Variants in ZNF641 observed in about 807,000 individuals in gnomAD.
The protein encoded by ZNF641 is zinc finger protein 641.
ZNF641 carries 26 observed loss-of-function variants against 46.2 expected under a neutral mutation model. The observed-to-expected ratio is 0.56, with a 90% CI of 0.41 to 0.78. The LOEUF (loss-of-function observed/expected upper bound fraction) is 0.78. Ranked by LOEUF, ZNF641 falls within the 30% of genes least tolerant of loss-of-function variation. ZNF641 has a pLI of 0.00. For missense variants in ZNF641, 469 were observed against 517.8 expected, an observed-to-expected ratio of 0.91 and a Z score of 0.91; for synonymous variants, 163 against 187.9, an observed-to-expected ratio of 0.87 and a Z score of 1.09.
Position 48,340,068 on chromosome 12 carries a change from A to G in ZNF641, c.*2905T>C. The stretch of plus-strand genomic sequence containing the variant: ...TTTTATTTAAAGGGGACGGGGTGAA[A>G]CATGAACATTTGAGGCTGATTCCCT... On this transcript the variant is annotated 3_prime_UTR_variant, in exon 6 of 6. Transcript: ENST00000547026. 1 of 985,430 alleles carries G rather than the reference A, an allele frequency of 1.0e-6. No individual in the cohort carries two copies. Among genetic ancestry groups the G allele is most frequent in the Non-Finnish European group, 1.2e-6 (1 of 829,938 alleles). 61.0% of individuals were successfully genotyped at this position (985,430 alleles called of 1,614,324 possible). A position where few individuals can be genotyped will look rare whatever the true frequency, so the allele number is the denominator to read the frequency against.
rs182037846 is a variant in ZNF641, at chr12:48,345,936, C to T, written c.277-462G>A. ...TTTTTTTTTTTTTGAGACGGAGTCT[C>T]ACTGTCGCCCAGGCTGGAGTGCAGT... On this transcript the variant is annotated intron_variant, in intron 3 of 5. Transcript: ENST00000547026. Among the ~76,000 whole-genome samples the T allele has an allele frequency of 3.4e-5, 5 of 147,996 alleles. No individual in the cohort carries two copies. In the East Asian group the frequency reaches 9.8e-4, roughly 29 times the overall value.
At position 48,339,757 on chromosome 12, in the gene ZNF641, C is replaced by G. The variant is rs1160856426; in HGVS notation, c.*3216G>C. 4.8e-6 allele frequency: 1 copy of G among 209,332 alleles called. No homozygotes were observed. Among genetic ancestry groups the G allele is most frequent in the Non-Finnish European group, 8.3e-6 (1 of 120,348 alleles). 13.0% of individuals were successfully genotyped at this position (209,332 alleles called of 1,614,324 possible). A position where few individuals can be genotyped will look rare whatever the true frequency, so the allele number is the denominator to read the frequency against. ...TGTTGGAAAGGGAGGAATTTTGTCCCAAATTATCACCTCTTTGGTTCTCTG... is the reference window on the plus strand; with the variant it reads ...TGTTGGAAAGGGAGGAATTTTGTCCGAAATTATCACCTCTTTGGTTCTCTG... On this transcript the variant is annotated 3_prime_UTR_variant, in exon 6 of 6. Coordinates refer to ENST00000547026, the MANE Select transcript of ZNF641 (RefSeq NM_001172681.2).
rs117955318 is a variant in ZNF641, at chr12:48,343,047, G to A, written c.1201C>T (p.Leu401=). The A allele has an allele frequency of 1.9e-4, 314 of 1,614,260 alleles. No homozygotes were observed. Among genetic ancestry groups the A allele is most frequent in the Middle Eastern group, 3.3e-4 (2 of 6,062 alleles). The change falls in exon 6 of 6, where the codon CTG becomes TTG. Residue 401 remains leucine (L), a synonymous_variant. Coordinates refer to ENST00000547026, the MANE Select transcript of ZNF641 (RefSeq NM_001172681.2). ...TGGTGGGTGAGCAGGTGCCTGTCCA[G>A]GTGATGTTTTCGGCCAAAGCTCTTC... ...CEKSFGRKHH[L]DRHLLTHQGQ...
In ZNF641 at chr12:48,348,017, G is replaced by A. The variant is rs1175809785; in HGVS notation, c.74C>T (p.Pro25Leu). The change falls in exon 2 of 6, where the codon CCC becomes CTC. Residue 25 changes from proline (P) to leucine (L), a missense_variant. Around this residue, in one of 3 missense-constraint regions of ZNF641, gnomAD observed 98 missense variants for 105.7 expected, o/e 0.93. Coordinates refer to ENST00000547026, the MANE Select transcript of ZNF641 (RefSeq NM_001172681.2). ...TTCCTGGCTTCCCCTTTCCACCTGG[G>A]GCTCTGCTCCATCCAGCTGTACATT... ...SMNVQLDGAEPQVERGSQEER... is the reference protein window; with the variant it reads ...SMNVQLDGAELQVERGSQEER... 6.2e-7 allele frequency: 1 copy of A among 1,614,036 alleles called. No homozygotes were observed. The highest frequency in any genetic ancestry group is 1.7e-5 in the Admixed American group (1 of 60,004).
chr12:48,350,169 C>T (rs1952990021), intron 1 of ZNF641: 1 of 1,585,888 alleles, frequency 6.3e-7, no homozygotes, highest in Non-Finnish European at 8.6e-7. Context: ...AGTGTGGGTT[C>T]TAGGGCTTTC....
In ZNF641 at chr12:48,342,624, G is replaced by T; in HGVS notation, c.*349C>A. The T allele has an allele frequency of 2.3e-6, 1 of 432,628 alleles. No individual in the cohort carries two copies. Among genetic ancestry groups the T allele is most frequent in the Non-Finnish European group, 3.3e-6 (1 of 299,244 alleles). The allele number at this position is 432,628 out of a possible 1,614,324, so 26.8% of individuals were successfully genotyped here. On this transcript the variant is annotated 3_prime_UTR_variant, in exon 6 of 6. Coordinates refer to ENST00000547026, the MANE Select transcript of ZNF641 (RefSeq NM_001172681.2). The stretch of plus-strand genomic sequence containing the variant: ...TATAATAGTAACAGTATGCAAGAGT[G>T]ATACTCAAAATGTTTAACAACTGGT...
chr12:48,342,899 G>A lies in ZNF641; in HGVS notation c.*74C>T. 1 of 1,525,956 alleles carries A rather than the reference G, an allele frequency of 6.6e-7. No homozygotes were observed. Among genetic ancestry groups the A allele is most frequent in the Non-Finnish European group, 8.7e-7 (1 of 1,144,844 alleles). The allele number at this position is 1,525,956 out of a possible 1,614,324, so 94.5% of individuals were successfully genotyped here. The stretch of plus-strand genomic sequence containing the variant: ...TGATTCTGGCCACTGGGGTTCAGGA[G>A]AACGGCAGCCCTGGCAGTGACTCCT... On this transcript the variant is annotated 3_prime_UTR_variant, in exon 6 of 6. Transcript: ENST00000547026.
intron 1 of ZNF641, chr12:48,350,013 A>T: frequency 6.2e-7 from 1 of 1,614,078 alleles, no homozygotes; most frequent in Non-Finnish European, 8.5e-7. Context: ...TGGAAGTGCT[A>T]GCAAAAATCT....
At position 48,347,898 on chromosome 12, in the gene ZNF641, A is replaced by T. The variant is rs748337103; in HGVS notation, c.184+9T>A. 14 of 1,613,456 alleles carry T rather than the reference A, an allele frequency of 8.7e-6. No individual in the cohort carries two copies. The highest frequency in any genetic ancestry group is 1.0e-5 in the Non-Finnish European group (12 of 1,179,438). On this transcript the variant is annotated intron_variant, in intron 2 of 5. Coordinates refer to ENST00000547026, the MANE Select transcript of ZNF641 (RefSeq NM_001172681.2). ...CACTGTGCTTCCCACACACTCTGTGAGTTCTCACCCTTCTCCTGAAGGGAC... is the reference window on the plus strand; with the variant it reads ...CACTGTGCTTCCCACACACTCTGTGTGTTCTCACCCTTCTCCTGAAGGGAC...
rs542521736 is a variant in ZNF641, at chr12:48,342,847, T to C, written c.*126A>G. The C allele has an allele frequency of 3.6e-5, 52 of 1,454,834 alleles. No homozygotes were observed. The African/African-American group carries it at 6.7e-4, about 19-fold the overall frequency. The allele number at this position is 1,454,834 out of a possible 1,614,324, so 90.1% of individuals were successfully genotyped here. A position where few individuals can be genotyped will look rare whatever the true frequency, so the allele number is the denominator to read the frequency against. On this transcript the variant is annotated 3_prime_UTR_variant, in exon 6 of 6. Coordinates refer to ENST00000547026, the MANE Select transcript of ZNF641 (RefSeq NM_001172681.2). ...TGCTCTGGCCATTGCTGGGACCTCA[T>C]CTTTCTAGGGATGGGGTCAGGGCTT...
upstream of ZNF641, chr12:48,351,023 T>TGGGAGGGAGAGGAGG (rs1565997461): frequency 3.8e-4 from 31 of 81,496 alleles, no homozygotes; most frequent in South Asian, 6.8e-4. Context: ...GGGAGAGGAG[T>TGGGAGGGAGAGGAGG]GGGAGGGAGG....
chr12:48,350,111 G>A (rs1396051440), intron 1 of ZNF641: 2 of 1,613,950 alleles, frequency 1.2e-6, no homozygotes, highest in Admixed American at 3.3e-5. Context: ...TAAGGTGGTA[G>A]CCCTAACCTC....
At position 48,342,149 on chromosome 12, in the gene ZNF641, G is replaced by A; in HGVS notation, c.*824C>T. The A allele has an allele frequency of 1.0e-6, 1 of 985,478 alleles. No homozygotes were observed. The highest frequency in any genetic ancestry group is 1.7e-5 in the African/African-American group (1 of 57,352). The allele number at this position is 985,478 out of a possible 1,614,324, so 61.0% of individuals were successfully genotyped here. A position where few individuals can be genotyped will look rare whatever the true frequency, so the allele number is the denominator to read the frequency against. On this transcript the variant is annotated 3_prime_UTR_variant, in exon 6 of 6. Transcript: ENST00000547026. ...TTTCTGTTTTTCTGTGTGGGCCAGG[G>A]CTATTTGGGGGTATTAGATCATCTC...
rs1250410593 is a variant in ZNF641 at position 48,350,846 on chromosome 12, T to C, written c.-86A>G. 6.1e-6 allele frequency: 6 copies of C among 984,628 alleles called. No homozygotes were observed. Among genetic ancestry groups the C allele is most frequent in the Non-Finnish European group, 7.2e-6 (6 of 829,632 alleles). 61.0% of individuals were successfully genotyped at this position (984,628 alleles called of 1,614,324 possible). A position where few individuals can be genotyped will look rare whatever the true frequency, so the allele number is the denominator to read the frequency against. On this transcript the variant is annotated 5_prime_UTR_variant, in exon 1 of 6. Coordinates refer to ENST00000547026, the MANE Select transcript of ZNF641 (RefSeq NM_001172681.2). ...TCCCGGGCGCCGCCTGCCCCTCCCCTCCGCCCTCCGCTTGCGTCTGGGAGC... is the reference window on the plus strand; with the variant it reads ...TCCCGGGCGCCGCCTGCCCCTCCCCCCCGCCCTCCGCTTGCGTCTGGGAGC...
At position 48,341,565 on chromosome 12, in the gene ZNF641, TTCTGGG is replaced by T; in HGVS notation, c.*1402_*1407del. 1.0e-6 allele frequency: 1 copy of T among 985,370 alleles called. No individual in the cohort carries two copies. The highest frequency in any genetic ancestry group is 1.2e-6 in the Non-Finnish European group (1 of 829,948). The allele number at this position is 985,370 out of a possible 1,614,324, so 61.0% of individuals were successfully genotyped here. ...ACAGCCATTTTCCCTAAAGTTCTGT[TTCTGGG>T]AGAATGAGATCTTCAAGAATAACTC... On this transcript the variant is annotated 3_prime_UTR_variant, in exon 6 of 6. Coordinates refer to ENST00000547026, the MANE Select transcript of ZNF641 (RefSeq NM_001172681.2).
At chr12:48,335,576 T>C (rs142052053), downstream of ZNF641, among the ~76,000 whole-genome samples, 59 of 152,350 alleles carry the variant, frequency 3.9e-4, 1 homozygote, top group African/African-American at 1.4e-3. Context: ...TGACCTTATA[T>C]AGCTAACGAT....
rs1430824454 is a variant in ZNF641 at position 48,339,284 on chromosome 12, G to A, written c.*3689C>T. 6.6e-6 allele frequency: 1 copy of A among 152,168 alleles called. No individual in the cohort carries two copies. Among genetic ancestry groups the A allele is most frequent in the African/African-American group, 2.4e-5 (1 of 41,434 alleles). 9.4% of individuals were successfully genotyped at this position (152,168 alleles called of 1,614,324 possible). A position where few individuals can be genotyped will look rare whatever the true frequency, so the allele number is the denominator to read the frequency against. ...TGAAGATCCATCCGAAAAGGGTGAGGTACCACTGCTTGAAATATGAATCCC... is the reference window on the plus strand; with the variant it reads ...TGAAGATCCATCCGAAAAGGGTGAGATACCACTGCTTGAAATATGAATCCC... On this transcript the variant is annotated 3_prime_UTR_variant, in exon 6 of 6. Coordinates refer to ENST00000547026, the MANE Select transcript of ZNF641 (RefSeq NM_001172681.2).
In ZNF641 at chr12:48,350,849, G is replaced by C. The variant is rs1202327096; in HGVS notation, c.-89C>G. 2 of 984,912 alleles carry C rather than the reference G, an allele frequency of 2.0e-6. No homozygotes were observed. Among genetic ancestry groups the C allele is most frequent in the African/African-American group, 3.5e-5 (2 of 57,174 alleles). 61.0% of individuals were successfully genotyped at this position (984,912 alleles called of 1,614,324 possible). On this transcript the variant is annotated 5_prime_UTR_variant, in exon 1 of 6. Coordinates refer to ENST00000547026, the MANE Select transcript of ZNF641 (RefSeq NM_001172681.2). ...CGGGCGCCGCCTGCCCCTCCCCTCC[G>C]CCCTCCGCTTGCGTCTGGGAGCCGG... is the stretch of plus-strand genomic sequence containing the variant.
chr12:48,347,861 T>G, intron 2 of ZNF641, 46 bp downstream of exon 2: 1 of 1,575,328 alleles, frequency 6.3e-7, no homozygotes, highest in Non-Finnish European at 8.7e-7. Flanking sequence ...GAATAAATAT[T>G]AGGAGACTAT....
Sources: gnomAD v4.1 joint callset for allele counts (sites outside exome capture counted in the v4.1 genomes callset) on GRCh38, gnomAD v4.1.1 for gene constraint, gnomAD v4.1.1 regional missense constraint, MANE v1.5 for transcripts, NCBI Gene and HGNC (gene_info 2026-07-23, HGNC 2026-07-21) for gene names.